The following NEGR1 variants were observed in gnomAD, a reference collection of about 807,000 sequenced individuals.
The protein encoded by NEGR1 is IgLON family member 4.
In NEGR1, 10 loss-of-function variants were observed where a neutral mutation model predicts 40.9. The observed-to-expected ratio is 0.24, with a 90% CI of 0.15 to 0.42. NEGR1 has a LOEUF of 0.42. Ranked by LOEUF, NEGR1 falls within the 10% of genes least tolerant of loss-of-function variation. The probability of loss-of-function intolerance (pLI) is 1.00; values close to 1 mark genes in which losing one functional copy is unlikely to be tolerated. For synonymous variants in NEGR1, 185 were observed against 166.8 expected, an observed-to-expected ratio of 1.11 and a Z score of -0.84; for missense variants, 352 against 438.9, an observed-to-expected ratio of 0.80 and a Z score of 1.77.
chr1:71,839,010 C>T (rs1033092254), intron 2 of NEGR1, among the ~76,000 whole-genome samples: 1 of 151,960 alleles, frequency 6.6e-6, no homozygotes, highest in Non-Finnish European at 1.5e-5. Context: ...GTAATCATCA[C>T]CTAGAAAATT....
chr1:71,961,251 G>A (rs1646163304), intron 1 of NEGR1, among the ~76,000 whole-genome samples: 1 of 152,100 alleles, frequency 6.6e-6, no homozygotes, highest in Admixed American at 6.6e-5. Flanking sequence ...TTCTAAGTAA[G>A]CAATTCCTTT....
At chr1:72,147,383 G>A (rs1198592805) in intron 1 of NEGR1, among the ~76,000 whole-genome samples, 3 of 152,002 alleles carry the variant, frequency 2.0e-5, no homozygotes, top group Non-Finnish European at 2.9e-5. Context: ...ATCAGATTTC[G>A]TAAGACTTAT....
At chr1:71,576,175 C>CCAGAGT (rs1648961045) in intron 6 of NEGR1, among the ~76,000 whole-genome samples, 1 of 152,152 alleles carries the variant, frequency 6.6e-6, no homozygotes, top group Admixed American at 6.5e-5. Context: ...AAGGAACATA[C>CCAGAGT]TATACTGCTG....
chr1:71,856,925 A>G (rs1659787595), intron 2 of NEGR1, among the ~76,000 whole-genome samples: 1 of 152,070 alleles, frequency 6.6e-6, no homozygotes, highest in Non-Finnish European at 1.5e-5. Context: ...TATTTATGTT[A>G]TAATAGAAGA....
intron 3 of NEGR1, among the ~76,000 whole-genome samples, chr1:71,719,751 T>G (rs1654437808): frequency 6.6e-6 from 1 of 152,096 alleles, no homozygotes; most frequent in South Asian, 2.1e-4. Flanking sequence ...ACATTAGGTA[T>G]TTCTCCTAAT....
intron 1 of NEGR1, among the ~76,000 whole-genome samples, chr1:72,266,076 ACAT>A (rs2100551630): frequency 6.6e-6 from 1 of 151,036 alleles, no homozygotes; most frequent in Non-Finnish European, 1.5e-5. Flanking sequence ...CCATGTTATT[ACAT>A]CATCATAATG....
chr1:71,611,758 T>A (rs1245657129), intron 4 of NEGR1, among the ~76,000 whole-genome samples: 1 of 152,180 alleles, frequency 6.6e-6, no homozygotes, highest in Non-Finnish European at 1.5e-5. Context: ...TTTTCTTTAA[T>A]GTAGTTTCTT....
intron 1 of NEGR1, among the ~76,000 whole-genome samples, chr1:72,114,401 A>G (rs776981003): frequency 4.6e-5 from 7 of 151,678 alleles, no homozygotes; most frequent in Non-Finnish European, 8.9e-5. Flanking sequence ...CCAAGCCTCC[A>G]CAATCACATG....
At chr1:71,542,449 G>A (rs1354901486) in intron 6 of NEGR1, among the ~76,000 whole-genome samples, 1 of 151,690 alleles carries the variant, frequency 6.6e-6, no homozygotes, top group Non-Finnish European at 1.5e-5. Flanking sequence ...GAACAGAGAG[G>A]TACTAAGGTA....
intron 3 of NEGR1, among the ~76,000 whole-genome samples, chr1:71,712,330 G>T (rs926641725): frequency 6.6e-6 from 1 of 152,184 alleles, no homozygotes; most frequent in Non-Finnish European, 1.5e-5. Context: ...AATCCTTGTA[G>T]TCCCACAGGG....
intron 6 of NEGR1, among the ~76,000 whole-genome samples, chr1:71,542,742 C>T (rs1647756689): frequency 6.6e-6 from 1 of 151,650 alleles, no homozygotes. Flanking sequence ...TAGCAATATG[C>T]CAGGGCAGGT....
At chr1:71,849,996 G>A (rs993823675) in intron 2 of NEGR1, among the ~76,000 whole-genome samples, 1 of 152,040 alleles carries the variant, frequency 6.6e-6, no homozygotes, top group African/African-American at 2.4e-5. Context: ...CAGTGGTCTG[G>A]AAACAAACTG....
At chr1:72,018,614 A>C (rs577959277) in intron 1 of NEGR1, among the ~76,000 whole-genome samples, 4 of 152,322 alleles carry the variant, frequency 2.6e-5, no homozygotes, top group Admixed American at 2.6e-4. Context: ...AAATTATGAA[A>C]TATAATGTCA....
intron 3 of NEGR1, among the ~76,000 whole-genome samples, chr1:71,732,513 TGTGTGTGC>T (rs1275107876): frequency 2.0e-5 from 3 of 151,304 alleles, no homozygotes; most frequent in East Asian, 3.9e-4. Flanking sequence ...TGTGTGTGTG[TGTGTGTGC>T]GCGCGCGCGC....
chr1:71,872,053 C>T (rs79408489), intron 2 of NEGR1, among the ~76,000 whole-genome samples: 1 of 152,026 alleles, frequency 6.6e-6, no homozygotes, highest in Non-Finnish European at 1.5e-5. Flanking sequence ...CTAAATAATA[C>T]AATGGAATAA....
intron 1 of NEGR1, among the ~76,000 whole-genome samples, chr1:72,131,030 A>G (rs187930663): frequency 1.3e-5 from 2 of 152,314 alleles, no homozygotes; most frequent in East Asian, 1.9e-4. Flanking sequence ...CAAAATTTCT[A>G]TTGCTCATGT....
rs1653707938 is a variant in NEGR1, at chr1:72,214,084, C to A, written c.176+68235G>T. ...ACATACGCAAATCAATAAACATAAT[C>A]CATCACATGAACAGAAACAATGACA... is the stretch of plus-strand genomic sequence containing the variant. On this transcript the variant is annotated intron_variant, in intron 1 of 6. Transcript: ENST00000357731. Among the ~76,000 whole-genome samples the A allele has an allele frequency of 2.6e-5, 4 of 152,002 alleles. No individual in the cohort carries two copies. In the South Asian group the frequency reaches 6.2e-4, roughly 24 times the overall value.
intron 1 of NEGR1, among the ~76,000 whole-genome samples, chr1:72,208,275 A>G (rs757519695): frequency 1.3e-5 from 2 of 151,792 alleles, no homozygotes; most frequent in Non-Finnish European, 1.5e-5. Flanking sequence ...AGTTTATGCA[A>G]TTTAAATGCC....
intron 5 of NEGR1, among the ~76,000 whole-genome samples, chr1:71,610,378 G>C (rs1213917145): frequency 6.6e-6 from 1 of 152,152 alleles, no homozygotes; most frequent in Admixed American, 6.5e-5. Flanking sequence ...CCTACTGGTT[G>C]AAAGTAAAGA....
Sources: gnomAD v4.1 joint callset for allele counts (sites outside exome capture counted in the v4.1 genomes callset) on GRCh38, gnomAD v4.1.1 for gene constraint, MANE v1.5 for transcripts, NCBI Gene and HGNC (gene_info 2026-07-23, HGNC 2026-07-21) for gene names.